ANK3: variants seen among roughly 807,000 people sequenced by gnomAD.
The protein encoded by ANK3 is ankyrin 3, also known as ankyrin-3.
In ANK3, 57 loss-of-function variants were observed where a neutral mutation model predicts 370.9. That is an observed-to-expected ratio of 0.15 (90% CI 0.12 to 0.19). The LOEUF (loss-of-function observed/expected upper bound fraction) is 0.19. ANK3 is among the 10% of genes least tolerant of loss of function. ANK3 has a pLI of 1.00. For missense variants in ANK3, 4,439 were observed against 5,302.1 expected, an observed-to-expected ratio of 0.84 and a Z score of 5.06; for synonymous variants, 1,929 against 1,946.3, an observed-to-expected ratio of 0.99 and a Z score of 0.23.
intron 2 of ANK3, among the ~76,000 whole-genome samples, chr10:60,593,762 G>A (rs1567169718): frequency 6.6e-6 from 1 of 152,128 alleles, no homozygotes; most frequent in Non-Finnish European, 1.5e-5. Context: ...GTGGTGAAGT[G>A]GATGGTTGCC....
chr10:60,055,952 G>A lies in ANK3; in HGVS notation c.12771C>T (p.Ile4257=). The change falls in exon 42 of 44, where the codon ATC becomes ATT. Residue 4257 remains isoleucine (I), a synonymous_variant. Coordinates refer to ENST00000280772, the MANE Select transcript of ANK3 (RefSeq NM_020987.5). ...KFEANGSHTE[I]TPEAKTKSYF... ...AAGATTTTGTCTTTGCTTCTGGAGTGATTTCTGTATGGCTTCCATTTGCTT... is the reference window on the plus strand; with the variant it reads ...AAGATTTTGTCTTTGCTTCTGGAGTAATTTCTGTATGGCTTCCATTTGCTT... 6.2e-7 allele frequency: 1 copy of A among 1,614,020 alleles called. No homozygotes were observed. The highest frequency in any genetic ancestry group is 1.6e-4 in the Middle Eastern group (1 of 6,062).
At chr10:60,383,113 G>A (rs947952537) in intron 1 of ANK3, among the ~76,000 whole-genome samples, 2 of 151,938 alleles carry the variant, frequency 1.3e-5, no homozygotes, top group Admixed American at 1.3e-4. Flanking sequence ...AACCACACAG[G>A]CCTTGGTTCC....
At chr10:60,390,054 T>C (rs2062965445), upstream of ANK3, among the ~76,000 whole-genome samples, 1 of 152,190 alleles carries the variant, frequency 6.6e-6, no homozygotes, top group South Asian at 2.1e-4. Context: ...CGGAGAATAA[T>C]TTAACCCCTG....
At chr10:60,505,892 G>T (rs2133152869) in intron 2 of ANK3, among the ~76,000 whole-genome samples, 1 of 152,136 alleles carries the variant, frequency 6.6e-6, no homozygotes, top group East Asian at 1.9e-4. Flanking sequence ...ACAACCTATT[G>T]TGGTTTACAC....
rs547555682 is a variant in ANK3, at chr10:60,570,963, T to C, written c.96+44223A>G. ...CACCGTCGTGGTTCATGTGTCTGTC[T>C]CGGCTCTCTATGACACTCTATGTTC... On this transcript the variant is annotated intron_variant, in intron 2 of 43. Coordinates refer to the ANK3 transcript ENST00000373827. 4.6e-5 allele frequency among the ~76,000 whole-genome samples: 7 copies of C among 152,184 alleles called. No individual in the cohort carries two copies. In the East Asian group the frequency reaches 7.7e-4, roughly 17 times the overall value.
At chr10:60,666,627 G>A (rs1422046239) in intron 1 of ANK3, among the ~76,000 whole-genome samples, 2 of 152,136 alleles carry the variant, frequency 1.3e-5, no homozygotes, top group African/African-American at 2.4e-5. Flanking sequence ...TTTCTTAAGT[G>A]TAGAAAACTT....
chr10:60,062,176 G>A (rs2080673241), intron 40 of ANK3: 1 of 152,288 alleles, frequency 6.6e-6, no homozygotes, highest in African/African-American at 2.4e-5. Flanking sequence ...GCTGAGACAG[G>A]AGAATGGCTT....
intron 1 of ANK3, among the ~76,000 whole-genome samples, chr10:60,362,093 T>A (rs2058694595): frequency 6.6e-6 from 1 of 152,214 alleles, no homozygotes; most frequent in African/African-American, 2.4e-5. Flanking sequence ...CTACTTGATA[T>A]GCCCCACAAC....
At chr10:60,494,837 G>A (rs1201310499) in intron 2 of ANK3, among the ~76,000 whole-genome samples, 1 of 152,034 alleles carries the variant, frequency 6.6e-6, no homozygotes, top group Admixed American at 6.6e-5. Context: ...ATGGTATATC[G>A]ATGTAAATAT....
Position 60,389,479 on chromosome 10 carries a change from T to C in ANK3, c.60A>G (p.Glu20=), listed in dbSNP as rs1376340020. The C allele has an allele frequency of 6.2e-7, 1 of 1,614,118 alleles. No individual in the cohort carries two copies. The highest frequency in any genetic ancestry group is 2.2e-5 in the East Asian group (1 of 44,882). The change falls in exon 1 of 44, where the codon GAA becomes GAG. Residue 20 remains glutamate (E), a synonymous_variant. Coordinates refer to ENST00000280772, the MANE Select transcript of ANK3 (RefSeq NM_020987.5). ...KNRDLEINAE[E]EPEKKRKHRK... is the part of the protein sequence containing the mutation. ...GGTGTTTCCTTTTTTTCTCAGGCTC[T>C]TCTTCAGCATTGATTTCTAAATCCC...
At chr10:60,033,135 G>C (rs2074074424) in intron 43 of ANK3, among the ~76,000 whole-genome samples, 1 of 152,164 alleles carries the variant, frequency 6.6e-6, no homozygotes. Context: ...CTAAAGGTGG[G>C]AGAAACTAAA....
At chr10:60,345,243 C>A (rs2055179543) in intron 1 of ANK3, among the ~76,000 whole-genome samples, 1 of 152,152 alleles carries the variant, frequency 6.6e-6, no homozygotes, top group Non-Finnish European at 1.5e-5. Flanking sequence ...AATATTACCT[C>A]CCAGCACAAT....
intron 1 of ANK3, among the ~76,000 whole-genome samples, chr10:60,720,656 A>G (rs1415593315): frequency 6.6e-6 from 1 of 152,154 alleles, no homozygotes; most frequent in Non-Finnish European, 1.5e-5. Flanking sequence ...CCCAGGCTGG[A>G]ATGCAGTGAT....
At chr10:60,695,727 G>T (rs1275707885) in intron 1 of ANK3, among the ~76,000 whole-genome samples, 1 of 152,136 alleles carries the variant, frequency 6.6e-6, no homozygotes, top group Non-Finnish European at 1.5e-5. Flanking sequence ...CAACATACCA[G>T]AATCTCTGGG....
chr10:60,261,791 T>G (rs868627371), intron 7 of ANK3, 68 bp downstream of exon 7: 15 of 1,396,008 alleles, frequency 1.1e-5, no homozygotes, highest in African/African-American at 1.4e-5. Flanking sequence ...AACATCCTCA[T>G]GTTGGGGAAA....
chr10:60,088,306 C>T lies in ANK3; in HGVS notation c.3381G>A (p.Thr1127=), dbSNP rs187349220. 5.5e-5 allele frequency: 88 copies of T among 1,614,176 alleles called. No homozygotes were observed. The East Asian group carries it at 8.9e-4, about 16-fold the overall frequency. The change falls in exon 29 of 44, where the codon ACG becomes ACA. Residue 1127 remains threonine (T), a synonymous_variant. Transcript: ENST00000280772. Reference sequence around the variant, plus strand: ...CTGCAAAATACTGGGGGAAATCTTTCGTGATAATCCTGCAGATACGCTTTT... The same window carrying T: ...CTGCAAAATACTGGGGGAAATCTTTTGTGATAATCCTGCAGATACGCTTTT... ...LGKKRICRII[T]KDFPQYFAVV...
intron 2 of ANK3, among the ~76,000 whole-genome samples, chr10:60,394,926 T>G (rs72806140): frequency 0.12 from 18,515 of 152,110 alleles, 1,193 homozygotes; most frequent in South Asian, 0.15. Context: ...TATAAGGAAG[T>G]TTTATTCAAG....
intron 9 of ANK3, among the ~76,000 whole-genome samples, chr10:60,210,618 C>A (rs942069250): frequency 2.0e-5 from 3 of 152,118 alleles, no homozygotes; most frequent in Non-Finnish European, 4.4e-5. Flanking sequence ...ATATATGTAT[C>A]CTTCCTCTCC....
chr10:60,031,365 C>T (rs556985273), intron 43 of ANK3, among the ~76,000 whole-genome samples: 1 of 152,106 alleles, frequency 6.6e-6, no homozygotes, highest in Non-Finnish European at 1.5e-5. Context: ...TGTTTTATAA[C>T]CAGTCTTACT....
Sources: allele counts gnomAD v4.1 joint callset (sites outside exome capture counted in the v4.1 genomes callset), GRCh38; gene constraint gnomAD v4.1.1; transcripts MANE v1.5; gene names NCBI Gene and HGNC (gene_info 2026-07-23, HGNC 2026-07-21).